IGSF11: variants seen among roughly 807,000 people sequenced by gnomAD.
IGSF11 encodes the protein immunoglobulin superfamily member 11.
Under a neutral mutation model 41.0 loss-of-function variants are expected in IGSF11, and 22 were observed. The observed-to-expected ratio is 0.54, with a 90% CI of 0.38 to 0.77. IGSF11 has a LOEUF of 0.77. Among genes scored for constraint, IGSF11 ranks in the 30% least tolerant of loss-of-function variants. IGSF11 has a pLI of 0.00. For synonymous variants in IGSF11, 219 were observed against 201.3 expected (o/e 1.09, Z -0.74); for missense variants, 444 against 530.8 (o/e 0.84, Z 1.61).
intron 1 of IGSF11, among the ~76,000 whole-genome samples, chr3:119,093,473 G>A (rs1264484564): frequency 1.3e-5 from 2 of 150,678 alleles, no homozygotes; most frequent in African/African-American, 2.4e-5. Context: ...AAAAATTTAT[G>A]TCAGTAAATG....
At chr3:119,025,469 T>A (rs911344312) in intron 1 of IGSF11, among the ~76,000 whole-genome samples, 4 of 149,762 alleles carry the variant, frequency 2.7e-5, no homozygotes, top group African/African-American at 9.8e-5. Context: ...TTGCTGTATG[T>A]CAGGCACTAT....
chr3:119,129,984 T>A (rs945883033), intron 1 of IGSF11, among the ~76,000 whole-genome samples: 36 of 151,970 alleles, frequency 2.4e-4, no homozygotes, highest in African/African-American at 8.4e-4. Flanking sequence ...GACTCTGTCT[T>A]AAAAAAAATT....
At chr3:119,029,045 G>GA (rs141453817) in intron 1 of IGSF11, among the ~76,000 whole-genome samples, 12 of 149,742 alleles carry the variant, frequency 8.0e-5, no homozygotes, top group South Asian at 2.1e-4. Flanking sequence ...TTTAAAATAT[G>GA]AAAAAAAAAG....
At chr3:118,994,133 T>C (rs76238376) in intron 1 of IGSF11, among the ~76,000 whole-genome samples, 131 of 152,332 alleles carry the variant, frequency 8.6e-4, no homozygotes, top group African/African-American at 3.1e-3. Context: ...ACATATGAAG[T>C]AGAGCAATTA....
intron 1 of IGSF11, among the ~76,000 whole-genome samples, chr3:119,006,375 T>A (rs2107683810): frequency 1.1e-5 from 1 of 91,326 alleles, no homozygotes; most frequent in Non-Finnish European, 1.9e-5. Context: ...CTAAATTTTT[T>A]TCAAAGTTTT....
intron 1 of IGSF11, among the ~76,000 whole-genome samples, chr3:118,953,591 C>T (rs1007795706): frequency 6.6e-6 from 1 of 152,096 alleles, no homozygotes; most frequent in African/African-American, 2.4e-5. Flanking sequence ...TTTATTATGG[C>T]CATTCTTGCA....
At chr3:119,125,120 G>A (rs2077385397) in intron 1 of IGSF11, among the ~76,000 whole-genome samples, 1 of 152,216 alleles carries the variant, frequency 6.6e-6, no homozygotes, top group Admixed American at 6.5e-5. Context: ...AAAGCTGAAG[G>A]ACTTCATCAA....
chr3:119,049,481 G>A (rs541320003), intron 1 of IGSF11, among the ~76,000 whole-genome samples: 1 of 152,188 alleles, frequency 6.6e-6, no homozygotes, highest in Non-Finnish European at 1.5e-5. Context: ...ACAAACCGCT[G>A]TTCAAGGAAA....
intron 1 of IGSF11, among the ~76,000 whole-genome samples, chr3:119,133,629 T>C: frequency 6.6e-6 from 1 of 152,138 alleles, no homozygotes; most frequent in Non-Finnish European, 1.5e-5. Flanking sequence ...ACAGCCAAAT[T>C]CTAAAAGAGG....
At chr3:119,086,248 C>A (rs143060736) in intron 1 of IGSF11, among the ~76,000 whole-genome samples, 2,025 of 152,068 alleles carry the variant, frequency 0.013, 27 homozygotes, top group Non-Finnish European at 0.023. Flanking sequence ...GTAAAGAGAC[C>A]AAATATATGA....
intron 1 of IGSF11, among the ~76,000 whole-genome samples, chr3:119,086,693 A>G (rs562900442): frequency 6.6e-6 from 1 of 152,322 alleles, no homozygotes; most frequent in Non-Finnish European, 1.5e-5. Context: ...GAGAAATAAA[A>G]TTCTGCCAGG....
intron 1 of IGSF11, among the ~76,000 whole-genome samples, chr3:118,935,833 G>T (rs1301376628): frequency 6.6e-6 from 1 of 152,088 alleles, no homozygotes; most frequent in Admixed American, 6.5e-5. Flanking sequence ...TATAAATTAA[G>T]ATTTTCTTAT....
chr3:119,139,357 T>C (rs762883889), intron 1 of IGSF11, among the ~76,000 whole-genome samples: 5 of 152,198 alleles, frequency 3.3e-5, no homozygotes, highest in Admixed American at 6.5e-5. Context: ...ATTAGGTATT[T>C]GATATGGTTT....
chr3:119,074,616 G>C (rs1300087176), intron 1 of IGSF11, among the ~76,000 whole-genome samples: 3 of 151,230 alleles, frequency 2.0e-5, no homozygotes, highest in Non-Finnish European at 2.9e-5. Context: ...AGCACTTTGG[G>C]AGGCCGAGGC....
chr3:119,055,939 A>G (rs570188403), intron 1 of IGSF11, among the ~76,000 whole-genome samples: 2 of 152,350 alleles, frequency 1.3e-5, no homozygotes, highest in East Asian at 1.9e-4. Context: ...AAAAGACTCA[A>G]CATACCAGAA....
upstream of IGSF11, among the ~76,000 whole-genome samples, chr3:119,036,775 A>T (rs902990462): frequency 2.0e-5 from 3 of 152,210 alleles, no homozygotes; most frequent in East Asian, 5.8e-4. Flanking sequence ...ATAAATAAGC[A>T]GATAGAGTTC....
At chr3:119,069,920 G>A (rs1409405216) in intron 1 of IGSF11, among the ~76,000 whole-genome samples, 1 of 152,110 alleles carries the variant, frequency 6.6e-6, no homozygotes, top group African/African-American at 2.4e-5. Flanking sequence ...TGATTCACTC[G>A]AGTATGAGAC....
At chr3:119,023,315 T>A (rs1036053495) in intron 1 of IGSF11, among the ~76,000 whole-genome samples, 9 of 114,896 alleles carry the variant, frequency 7.8e-5, no homozygotes, top group Non-Finnish European at 1.3e-4. Flanking sequence ...AAAGAAAGGA[T>A]AGTAAGAAGA....
chr3:119,030,427 T>G (rs1940287663), intron 1 of IGSF11, among the ~76,000 whole-genome samples: 1 of 152,210 alleles, frequency 6.6e-6, no homozygotes, highest in African/African-American at 2.4e-5. Flanking sequence ...CAATTTTCTC[T>G]CTGTGGCTTA....
Sources: allele counts gnomAD v4.1 joint callset (sites outside exome capture counted in the v4.1 genomes callset), GRCh38; gene constraint gnomAD v4.1.1; transcripts MANE v1.5; gene names NCBI Gene and HGNC (gene_info 2026-07-23, HGNC 2026-07-21).